The following ANKRD66 variants were observed in gnomAD, a reference collection of about 807,000 sequenced individuals.
ANKRD66 encodes ankyrin repeat domain-containing protein 66.
A neutral mutation model predicts 10.9 loss-of-function variants in ANKRD66; 10 were observed. The ratio of observed to expected loss-of-function variants is 0.91; its 90% CI spans 0.56 to 1.55. The LOEUF (loss-of-function observed/expected upper bound fraction) is 1.55. Ranked by LOEUF, ANKRD66 falls within the 40% of genes most tolerant of loss-of-function variation. ANKRD66 has a pLI of 0.00. For missense variants in ANKRD66, 252 were observed against 242.9 expected, an observed-to-expected ratio of 1.04 and a Z score of -0.25; for synonymous variants, 85 against 88.4, an observed-to-expected ratio of 0.96 and a Z score of 0.22.
At chr6:46,754,220 A>G (rs999453285) in intron 4 of ANKRD66, among the ~76,000 whole-genome samples, 5 of 152,190 alleles carry the variant, frequency 3.3e-5, no homozygotes, top group African/African-American at 1.2e-4. Context: ...AAGTTTGAAG[A>G]TGGGACATGG....
Position 46,753,837 on chromosome 6 carries a change from C to G in ANKRD66, c.279C>G (p.Leu93=). Residue 93 remains leucine (L), a synonymous_variant, in exon 4 of 5, where the codon CTC becomes CTG. Transcript: ENST00000565422. ...FAAEAGHLNI[L]KTLHALHAAI... ...CAGAAGCAGGCCATCTGAATATACT[C>G]AAAACTCTCCATGCATTGCACGCTG... 1 of 1,551,730 alleles carries G rather than the reference C, an allele frequency of 6.4e-7. No individual in the cohort carries two copies.
chr6:46,752,153 A>G, intron 3 of ANKRD66, 42 bp downstream of exon 3: 4 of 1,396,554 alleles, frequency 2.9e-6, no homozygotes, highest in Non-Finnish European at 2.8e-6. Context: ...TTTTGAGTCC[A>G]CCATTCATGA....
At chr6:46,753,277 C>T (rs879340195) in intron 3 of ANKRD66, among the ~76,000 whole-genome samples, 1 of 152,222 alleles carries the variant, frequency 6.6e-6, no homozygotes, top group Non-Finnish European at 1.5e-5. Flanking sequence ...GAAATCACAT[C>T]TATCAACTAG....
intron 4 of ANKRD66, 148 bp from the exon 5 acceptor site, chr6:46,758,575 C>G (rs1766423939): frequency 1.5e-6 from 1 of 689,028 alleles, no homozygotes; most frequent in Non-Finnish European, 2.2e-6. Context: ...CTGAGACCTT[C>G]CCTAAGTGTA....
chr6:46,748,867 G>C (rs1766201098), intron 1 of ANKRD66, among the ~76,000 whole-genome samples: 1 of 152,208 alleles, frequency 6.6e-6, no homozygotes, highest in African/African-American at 2.4e-5. Flanking sequence ...AGTGTGGTAA[G>C]TGAGCTAGTA....
At chr6:46,750,276 TGTCA>T (rs1766240894) in intron 2 of ANKRD66, among the ~76,000 whole-genome samples, 5 of 152,210 alleles carry the variant, frequency 3.3e-5, no homozygotes, top group Admixed American at 2.0e-4. Context: ...TGGTTATGGT[TGTCA>T]ATTTATTCTA....
rs1368315905 is a variant in ANKRD66 at position 46,749,978 on chromosome 6, C to T, written c.-14C>T. The T allele has an allele frequency of 7.0e-7, 1 of 1,423,368 alleles. No homozygotes were observed. The highest frequency in any genetic ancestry group is 1.4e-5 in the African/African-American group (1 of 70,428). The allele number at this position is 1,423,368 out of a possible 1,614,324, so 88.2% of individuals were successfully genotyped here. A position where few individuals can be genotyped will look rare whatever the true frequency, so the allele number is the denominator to read the frequency against. ...GGACCCCTGCCCAGAGTTTCAGATTCTGTAAGTCTGGGGCTGAGCACAATA... is the reference window on the plus strand; with the variant it reads ...GGACCCCTGCCCAGAGTTTCAGATTTTGTAAGTCTGGGGCTGAGCACAATA... On this transcript the variant is annotated splice_region_variant and 5_prime_UTR_variant, in exon 2 of 5. Transcript: ENST00000565422.
At chr6:46,754,597 T>A (rs1410821) in intron 4 of ANKRD66, among the ~76,000 whole-genome samples, 14 of 152,012 alleles carry the variant, frequency 9.2e-5, no homozygotes, top group Admixed American at 2.0e-4. Flanking sequence ...AGTAGAGTAT[T>A]GGAGTGAGGG....
At chr6:46,753,167 T>C (rs1312770676) in intron 3 of ANKRD66, among the ~76,000 whole-genome samples, 1 of 152,216 alleles carries the variant, frequency 6.6e-6, no homozygotes, top group African/African-American at 2.4e-5. Context: ...TTCAGTGATA[T>C]AAGGGGTAAT....
Position 46,749,895 on chromosome 6 carries a change from G to A in ANKRD66, c.-96-1G>A, listed in dbSNP as rs1367994589. 6.5e-7 allele frequency: 1 copy of A among 1,550,142 alleles called. No individual in the cohort carries two copies. Among genetic ancestry groups the A allele is most frequent in the Non-Finnish European group, 8.7e-7 (1 of 1,146,178 alleles). On this transcript the variant is annotated splice_acceptor_variant, in intron 1 of 4. Transcript: ENST00000565422. LOFTEE classifies it low-confidence loss of function (5UTR_SPLICE). ...GTTTACTTTTCTTTCTCTCCCTCCA[G>A]GGCTGTTCTCACATTTCAATGCACT...
intron 3 of ANKRD66, 50 bp downstream of exon 3, chr6:46,752,161 T>C: frequency 7.3e-7 from 1 of 1,377,918 alleles, no homozygotes; most frequent in Non-Finnish European, 9.4e-7. Context: ...CCACCATTCA[T>C]GAGGCTATCA....
intron 1 of ANKRD66, 90 bp downstream of exon 1, chr6:46,747,080 C>T: frequency 1.5e-6 from 2 of 1,309,094 alleles, no homozygotes; most frequent in Non-Finnish European, 2.1e-6. Context: ...GACTACTTTG[C>T]ACTTGATTTC....
At chr6:46,752,739 C>T (rs1253614686) in intron 3 of ANKRD66, among the ~76,000 whole-genome samples, 2 of 150,566 alleles carry the variant, frequency 1.3e-5, no homozygotes, top group Non-Finnish European at 2.9e-5. Flanking sequence ...AGTCCTTTGC[C>T]CTCTCAACCT....
At chr6:46,753,543 A>G (rs978073928) in intron 3 of ANKRD66, among the ~76,000 whole-genome samples, 179 bp from the exon 4 acceptor site, 3 of 152,134 alleles carry the variant, frequency 2.0e-5, no homozygotes, top group Non-Finnish European at 4.4e-5. Context: ...GGGGTGAGGT[A>G]GGGCACTGAG....
chr6:46,758,520 C>A, intron 4 of ANKRD66: 1 of 438,596 alleles, frequency 2.3e-6, no homozygotes, highest in Non-Finnish European at 4.0e-6. Flanking sequence ...ACATCTCACT[C>A]GGGTCCCACA....
Position 46,759,008 on chromosome 6 carries a change from C to T in ANKRD66, c.*87C>T. On this transcript the variant is annotated 3_prime_UTR_variant, in exon 5 of 5. Transcript: ENST00000565422. ...GCATGGTGGCCTTTCCATGACTTTA[C>T]TCATAGACCCTTACCCACCTGGCTT... 7.6e-7 allele frequency: 1 copy of T among 1,320,384 alleles called. No homozygotes were observed. Among genetic ancestry groups the T allele is most frequent in the South Asian group, 1.5e-5 (1 of 65,668 alleles). 81.8% of individuals were successfully genotyped at this position (1,320,384 alleles called of 1,614,324 possible).
At chr6:46,754,652 A>G (rs1562091466) in intron 4 of ANKRD66, among the ~76,000 whole-genome samples, 1 of 152,210 alleles carries the variant, frequency 6.6e-6, no homozygotes, top group Non-Finnish European at 1.5e-5. Context: ...AATGCCATCT[A>G]TAGGGGCAGT....
chr6:46,749,898 CTGTTCTCACATT>C lies in ANKRD66; in HGVS notation c.-92_-81del, dbSNP rs1438525444. ...TACTTTTCTTTCTCTCCCTCCAGGG[CTGTTCTCACATT>C]TCAATGCACTCACCTGGAGGGCTTA... On this transcript the variant is annotated 5_prime_UTR_variant, in exon 2 of 5. Transcript: ENST00000565422. The C allele has an allele frequency of 9.0e-6, 14 of 1,550,500 alleles. No homozygotes were observed. Among genetic ancestry groups the C allele is most frequent in the Admixed American group, 3.9e-5 (2 of 50,938 alleles).
chr6:46,753,525 A>G (rs1020602263), intron 3 of ANKRD66, among the ~76,000 whole-genome samples, 197 bp from the exon 4 acceptor site: 13 of 152,098 alleles, frequency 8.5e-5, no homozygotes, highest in African/African-American at 3.1e-4. Context: ...GGTGGGAACA[A>G]GGTTCGTGGG....
Sources: gnomAD v4.1 joint callset for allele counts (sites outside exome capture counted in the v4.1 genomes callset) on GRCh38, gnomAD v4.1.1 for gene constraint, MANE v1.5 for transcripts, NCBI Gene and HGNC (gene_info 2026-07-23, HGNC 2026-07-21) for gene names.